SLC49A4: variants seen among roughly 807,000 people sequenced by gnomAD.
SLC49A4 encodes the protein disrupted in renal cancer protein 2.
SLC49A4 carries 36 observed loss-of-function variants against 50.6 expected under a neutral mutation model. The observed-to-expected ratio is 0.71, with a 90% confidence interval of 0.55 to 0.94. SLC49A4 has a LOEUF of 0.94. SLC49A4 is among the 40% of genes least tolerant of loss of function. SLC49A4 has a pLI of 0.00. For synonymous variants in SLC49A4, 248 were observed against 241.2 expected (o/e 1.03, Z -0.26); for missense variants, 503 against 605.7 (o/e 0.83, Z 1.78).
chr3:122,873,474 C>G (rs974392315), intron 8 of SLC49A4, among the ~76,000 whole-genome samples: 4 of 152,204 alleles, frequency 2.6e-5, no homozygotes. Context: ...GCCGCTGTGC[C>G]TGGCCAGAAA....
intron 7 of SLC49A4, among the ~76,000 whole-genome samples, chr3:122,871,717 T>A (rs1352211246): frequency 1.3e-5 from 2 of 152,138 alleles, no homozygotes; most frequent in Non-Finnish European, 2.9e-5. Flanking sequence ...TTAAAATTAA[T>A]TGTAGTATAT....
At chr3:122,857,221 T>C (rs1434856853) in intron 6 of SLC49A4, among the ~76,000 whole-genome samples, 2 of 131,542 alleles carry the variant, frequency 1.5e-5, no homozygotes, top group Admixed American at 9.1e-5. Flanking sequence ...TCTTTGATCA[T>C]AACCTATTAC....
intron 4 of SLC49A4, among the ~76,000 whole-genome samples, chr3:122,835,905 C>T (rs750263443): frequency 6.6e-6 from 1 of 152,086 alleles, no homozygotes; most frequent in Non-Finnish European, 1.5e-5. Context: ...ATTCAGTAAA[C>T]TCTCAGGTTA....
At chr3:122,854,310 A>G (rs1432673155) in intron 5 of SLC49A4, among the ~76,000 whole-genome samples, 1 of 152,246 alleles carries the variant, frequency 6.6e-6, no homozygotes, top group African/African-American at 2.4e-5. Flanking sequence ...AAAGACTCAT[A>G]TAAAGTTACT....
At chr3:122,871,556 C>A (rs1937196965) in intron 7 of SLC49A4, among the ~76,000 whole-genome samples, 1 of 151,918 alleles carries the variant, frequency 6.6e-6, no homozygotes, top group African/African-American at 2.4e-5. Flanking sequence ...ATAAATTCTA[C>A]TCATTATTAT....
intron 2 of SLC49A4, among the ~76,000 whole-genome samples, chr3:122,807,905 G>T (rs1365910190): frequency 6.6e-6 from 1 of 152,190 alleles, no homozygotes; most frequent in East Asian, 1.9e-4. Flanking sequence ...TTAATCAGAG[G>T]AGTGCTAGTA....
intron 2 of SLC49A4, 56 bp downstream of exon 2, chr3:122,807,006 T>G: frequency 2.8e-6 from 3 of 1,090,486 alleles, no homozygotes; most frequent in Non-Finnish European, 4.1e-6. Context: ...TGTGTATAAA[T>G]TTTTAAGAAG....
chr3:122,795,121 C>T lies in SLC49A4; in HGVS notation c.-72C>T. 1 of 1,264,732 alleles carries T rather than the reference C, an allele frequency of 7.9e-7. No individual in the cohort carries two copies. The highest frequency in any genetic ancestry group is 9.9e-7 in the Non-Finnish European group (1 of 1,010,730). 78.3% of individuals were successfully genotyped at this position (1,264,732 alleles called of 1,614,324 possible). A position where few individuals can be genotyped will look rare whatever the true frequency, so the allele number is the denominator to read the frequency against. ...AGCCTCCGCCTCCTGCTGCTCAGGA[C>T]TATTCTGCGCTGGGCTAGTCGGCGG... On this transcript the variant is annotated 5_prime_UTR_variant, in exon 1 of 9. Coordinates refer to ENST00000261038, the MANE Select transcript of SLC49A4 (RefSeq NM_032839.3).
intron 1 of SLC49A4, among the ~76,000 whole-genome samples, chr3:122,802,347 G>A (rs1327101423): frequency 6.6e-6 from 1 of 152,086 alleles, no homozygotes; most frequent in Non-Finnish European, 1.5e-5. Context: ...TTGAGGAGAC[G>A]GAGGTGAGAA....
chr3:122,878,738 G>A (rs1391577395), intron 8 of SLC49A4, among the ~76,000 whole-genome samples: 1 of 152,006 alleles, frequency 6.6e-6, no homozygotes, highest in Non-Finnish European at 1.5e-5. Flanking sequence ...TGATTTTTTT[G>A]TATGTTTTAT....
chr3:122,842,587 T>C (rs900852988), intron 4 of SLC49A4, among the ~76,000 whole-genome samples: 1 of 151,910 alleles, frequency 6.6e-6, no homozygotes, highest in Non-Finnish European at 1.5e-5. Context: ...ACTAATAATT[T>C]TGGACTATTC....
chr3:122,801,037 C>A (rs1936121021), intron 1 of SLC49A4, among the ~76,000 whole-genome samples: 1 of 152,124 alleles, frequency 6.6e-6, no homozygotes, highest in Non-Finnish European at 1.5e-5. Flanking sequence ...CAAGTACAGG[C>A]ATGGGCAGAG....
intron 4 of SLC49A4, among the ~76,000 whole-genome samples, chr3:122,834,132 G>A (rs144463512): frequency 1.3e-4 from 20 of 152,234 alleles, no homozygotes; most frequent in African/African-American, 3.4e-4. Flanking sequence ...TTCACAGGTA[G>A]TTGTTATGAG....
intron 2 of SLC49A4, among the ~76,000 whole-genome samples, chr3:122,817,747 A>ATT (rs77819385): frequency 0.098 from 7,074 of 71,960 alleles, 949 homozygotes; most frequent in East Asian, 0.28. Context: ...CACCCAGCTA[A>ATT]TTTTTTTTTT....
At chr3:122,803,278 C>A (rs1936160159) in intron 1 of SLC49A4, among the ~76,000 whole-genome samples, 1 of 152,022 alleles carries the variant, frequency 6.6e-6, no homozygotes, top group Admixed American at 6.5e-5. Flanking sequence ...TAAGGGATTT[C>A]TCTGGGAGTA....
In SLC49A4 at chr3:122,826,868, T is replaced by G. The variant is rs1178758990; in HGVS notation, c.506T>G (p.Leu169Arg). 3 of 1,614,154 alleles carry G rather than the reference T, an allele frequency of 1.9e-6. No homozygotes were observed. Among genetic ancestry groups the G allele is most frequent in the Non-Finnish European group, 2.5e-6 (3 of 1,179,994 alleles). ...GPTVMNAAPFLSTTWFSADER... is the reference protein window; with the variant it reads ...GPTVMNAAPFRSTTWFSADER... ...ACTGTAATGAATGCAGCACCATTTCTCTCTACGACGTGGTTTTCTGCAGAT... is the reference window on the plus strand; with the variant it reads ...ACTGTAATGAATGCAGCACCATTTCGCTCTACGACGTGGTTTTCTGCAGAT... Residue 169 changes from leucine to arginine, a missense_variant, in exon 3 of 9, where the codon CTC becomes CGC. Coordinates refer to ENST00000261038, the MANE Select transcript of SLC49A4 (RefSeq NM_032839.3).
chr3:122,848,415 T>G (rs1429220038), intron 5 of SLC49A4, among the ~76,000 whole-genome samples: 1 of 152,162 alleles, frequency 6.6e-6, no homozygotes, highest in Non-Finnish European at 1.5e-5. Context: ...AGTTTTGATA[T>G]TTAGTAAATT....
intron 6 of SLC49A4, among the ~76,000 whole-genome samples, chr3:122,858,116 C>T (rs1471981003): frequency 6.6e-6 from 1 of 152,208 alleles, no homozygotes; most frequent in African/African-American, 2.4e-5. Context: ...TGTAGACATA[C>T]ATGAGTGCTT....
intron 8 of SLC49A4, among the ~76,000 whole-genome samples, chr3:122,876,824 T>A (rs1937273339): frequency 6.6e-6 from 1 of 152,194 alleles, no homozygotes; most frequent in African/African-American, 2.4e-5. Flanking sequence ...AGCCTCACCA[T>A]TTGGTGCAGA....
Sources: gnomAD v4.1 joint callset for allele counts (sites outside exome capture counted in the v4.1 genomes callset) on GRCh38, gnomAD v4.1.1 for gene constraint, MANE v1.5 for transcripts, NCBI Gene and HGNC (gene_info 2026-07-23, HGNC 2026-07-21) for gene names.